The following ADD1 variants were observed in gnomAD, a reference collection of about 807,000 sequenced individuals.
ADD1 encodes adducin 1.
ADD1 carries 24 observed loss-of-function variants against 80.5 expected under a neutral mutation model. The observed-to-expected ratio is 0.30, with a 90% CI of 0.22 to 0.42. The LOEUF is 0.42. ADD1 is among the 10% of genes least tolerant of loss of function. The pLI is 1.00. For missense variants in ADD1, 948 were observed against 1,019.0 expected, an observed-to-expected ratio of 0.93 and a Z score of 0.95; for synonymous variants, 373 against 393.8, an observed-to-expected ratio of 0.95 and a Z score of 0.63.
rs1389030939 is a variant in ADD1, at chr4:2,918,848, G to GT, written c.1948+3808_1948+3809insT. On this transcript the variant is annotated intron_variant, in intron 14 of 15. Transcript: ENST00000683351. The stretch of plus-strand genomic sequence containing the variant: ...TTTGCATATGGTTTTTTTGTTATTT[G>GT]GTTTTTTTTTTTTTCTTTCCTGAGA... 1.1e-4 allele frequency among the ~76,000 whole-genome samples: 16 copies of GT among 150,360 alleles called. No homozygotes were observed. The South Asian group carries it at 1.9e-3, about 18-fold the overall frequency.
intron 1 of ADD1, among the ~76,000 whole-genome samples, chr4:2,857,159 G>T: frequency 6.6e-6 from 1 of 151,610 alleles, no homozygotes; most frequent in East Asian, 1.9e-4. Flanking sequence ...TGATCTGCCT[G>T]TCTCAGCCTC....
intron 1 of ADD1, among the ~76,000 whole-genome samples, chr4:2,846,510 A>G (rs1206498957): frequency 2.0e-5 from 3 of 152,354 alleles, no homozygotes; most frequent in African/African-American, 4.8e-5. Flanking sequence ...TTTGAATTCT[A>G]TAACTTCTTT....
At chr4:2,898,391 T>C (rs1355046409) in intron 7 of ADD1, 42 bp from the exon 8 acceptor site, 1 of 1,613,864 alleles carries the variant, frequency 6.2e-7, no homozygotes, top group Non-Finnish European at 8.5e-7. Context: ...AAAGGACCAG[T>C]CTTCCTGCCC....
chr4:2,857,802 T>C (rs147800676), intron 1 of ADD1, among the ~76,000 whole-genome samples: 1 of 152,320 alleles, frequency 6.6e-6, no homozygotes, highest in East Asian at 1.9e-4. Flanking sequence ...ACAGGGGAAC[T>C]GACTCCAGTA....
At chr4:2,888,352 T>C (rs1161246996) in intron 4 of ADD1, among the ~76,000 whole-genome samples, 1 of 151,530 alleles carries the variant, frequency 6.6e-6, no homozygotes, top group East Asian at 1.9e-4. Context: ...GTGCTGGGAT[T>C]ACAGGTGTGA....
chr4:2,852,207 C>CCTTTCCTTTCTTTCCTTT (rs60560858), intron 1 of ADD1, among the ~76,000 whole-genome samples: 2,955 of 65,950 alleles, frequency 0.045, 178 homozygotes, highest in East Asian at 0.14. Context: ...TCCTTTCTTT[C>CCTTTCCTTTCTTTCCTTT]CTTTCCTTTC....
At chr4:2,885,770 T>C (rs371651832) in intron 4 of ADD1, among the ~76,000 whole-genome samples, 4,544 of 150,172 alleles carry the variant, frequency 0.03, 279 homozygotes, top group African/African-American at 0.1. Flanking sequence ...CCACCACGCC[T>C]GGCTAATTTT....
rs149767458 is a variant in ADD1 at position 2,928,430 on chromosome 4, C to T, written c.2307C>T (p.Ser769=). The T allele has an allele frequency of 3.5e-5, 56 of 1,613,314 alleles. No individual in the cohort carries two copies. In the Middle Eastern group the frequency reaches 4.9e-4, roughly 14 times the overall value. The change falls in exon 16 of 16, where the codon AGC becomes AGT. Residue 769 remains serine (S), a synonymous_variant. Transcript: ENST00000683351. ...AGGGGGCCGCCGCGGACCCTGGCAGCGATGGGTCTCCAGGCAAGTCCCCGT... is the reference window on the plus strand; with the variant it reads ...AGGGGGCCGCCGCGGACCCTGGCAGTGATGGGTCTCCAGGCAAGTCCCCGT... ...VEEGAAADPG[S]DGSPGKSPSK...
At position 2,925,996 on chromosome 4, in the gene ADD1, C is replaced by T. The variant is rs1711527206; in HGVS notation, c.1949-18C>T. ...TGGCGTCCACAGCTCCTACCATATC[C>T]TTCTTGCTTCTCTGCAGAGAATCTG... On this transcript the variant is annotated intron_variant, in intron 14 of 15. Transcript: ENST00000683351. The T allele has an allele frequency of 6.2e-7, 1 of 1,611,780 alleles. No homozygotes were observed. The highest frequency in any genetic ancestry group is 8.5e-7 in the Non-Finnish European group (1 of 1,178,144).
Position 2,929,073 on chromosome 4 carries a change from G to C in ADD1, c.*550G>C, listed in dbSNP as rs1052124656. On this transcript the variant is annotated 3_prime_UTR_variant, in exon 16 of 16. Coordinates refer to ENST00000683351, the MANE Select transcript of ADD1 (RefSeq NM_001354761.2). ...AAGAGGCAGGTCTGGGCCAGATGCT[G>C]GGCAGGAAACCCCAGCGGCAGATGG... 1.3e-5 allele frequency: 2 copies of C among 153,328 alleles called. No homozygotes were observed. The highest frequency in any genetic ancestry group is 2.9e-5 in the Non-Finnish European group (2 of 68,946). 9.5% of individuals were successfully genotyped at this position (153,328 alleles called of 1,614,324 possible).
chr4:2,926,738 C>G lies in ADD1; in HGVS notation c.2047+626C>G. The G allele has an allele frequency of 6.6e-7, 1 of 1,525,740 alleles. No individual in the cohort carries two copies. Among genetic ancestry groups the G allele is most frequent in the African/African-American group, 1.4e-5 (1 of 72,306 alleles). 94.5% of individuals were successfully genotyped at this position (1,525,740 alleles called of 1,614,324 possible). A position where few individuals can be genotyped will look rare whatever the true frequency, so the allele number is the denominator to read the frequency against. On this transcript the variant is annotated intron_variant, in intron 15 of 15. Transcript: ENST00000683351. The surrounding 1 kb of genome is among the most constrained non-coding windows in gnomAD (Gnocchi z 5.0). ...TGCGCTTTGCCTCATTCTCCTGCTT[C>G]TTTGTTGTTTATTAAGTTTTGTTTT...
intron 1 of ADD1, among the ~76,000 whole-genome samples, chr4:2,864,520 C>T (rs901980099): frequency 6.6e-6 from 1 of 152,196 alleles, no homozygotes; most frequent in African/African-American, 2.4e-5. Flanking sequence ...AATGTTCCAA[C>T]AGTGTCCTCT....
chr4:2,886,683 C>A (rs145233771), intron 4 of ADD1, among the ~76,000 whole-genome samples: 2 of 152,134 alleles, frequency 1.3e-5, no homozygotes, highest in South Asian at 4.1e-4. Context: ...CTGAATGAAA[C>A]CCCCGGCTGA....
intron 9 of ADD1, chr4:2,899,927 A>G (rs1735901672): frequency 4.0e-6 from 1 of 248,404 alleles, no homozygotes; most frequent in Admixed American, 5.2e-5. Flanking sequence ...CATGGTCCAG[A>G]AGGCGGGCTT....
chr4:2,891,901 G>A (rs535515198), intron 4 of ADD1, among the ~76,000 whole-genome samples: 1 of 152,120 alleles, frequency 6.6e-6, no homozygotes, highest in East Asian at 1.9e-4. Flanking sequence ...TTGTAGAAGG[G>A]GGTTAGAATT....
At position 2,852,283 on chromosome 4, in the gene ADD1, T is replaced by C. The variant is rs868217616; in HGVS notation, c.-21+8259T>C. 7.1e-4 allele frequency among the ~76,000 whole-genome samples: 55 copies of C among 77,904 alleles called. 1 individual carries two copies. The highest frequency in any genetic ancestry group is 1.5e-3 in the Admixed American group (13 of 8,722). 51.1% of individuals were successfully genotyped at this position (77,904 alleles called of 152,430 possible). A position where few individuals can be genotyped will look rare whatever the true frequency, so the allele number is the denominator to read the frequency against. ...TTTCCTTCCTTCCTTCCTTCCTTCT[T>C]TTCTTTTCTTTTCTTTTCTTTTCTT... On this transcript the variant is annotated intron_variant, in intron 1 of 15. Coordinates refer to ENST00000683351, the MANE Select transcript of ADD1 (RefSeq NM_001354761.2).
At chr4:2,923,588 T>C (rs985930410) in intron 14 of ADD1, among the ~76,000 whole-genome samples, 2 of 152,250 alleles carry the variant, frequency 1.3e-5, no homozygotes, top group African/African-American at 2.4e-5. Context: ...TATTCGGCCA[T>C]GTTGCCTGTC....
intron 2 of ADD1, among the ~76,000 whole-genome samples, chr4:2,880,599 C>T (rs1393823834): frequency 6.6e-6 from 1 of 151,266 alleles, no homozygotes; most frequent in Non-Finnish European, 1.5e-5. Context: ...CCTCAGCCTC[C>T]CGAGTAGCTG....
At chr4:2,927,867 C>T (rs562521755) in intron 15 of ADD1, among the ~76,000 whole-genome samples, 5 of 152,240 alleles carry the variant, frequency 3.3e-5, no homozygotes, top group African/African-American at 1.2e-4. Flanking sequence ...CTTTAGTCGT[C>T]CTCAGCTTGT....
Sources: gnomAD v4.1 joint callset for allele counts (sites outside exome capture counted in the v4.1 genomes callset) on GRCh38, gnomAD v4.1.1 for gene constraint, Gnocchi (gnomAD v3.1) non-coding constraint, MANE v1.5 for transcripts, NCBI Gene and HGNC (gene_info 2026-07-23, HGNC 2026-07-21) for gene names.